Variants in LRRTM4 observed in about 807,000 individuals in gnomAD.
LRRTM4 encodes the protein leucine-rich repeat transmembrane neuronal protein 4.
Under a neutral mutation model 47.6 loss-of-function variants are expected in LRRTM4, and 25 were observed. The observed-to-expected ratio is 0.53, with a 90% CI of 0.38 to 0.73. The LOEUF (loss-of-function observed/expected upper bound fraction) is 0.73, where lower values mean the gene tolerates loss of function less well. Ranked by LOEUF, LRRTM4 falls within the 30% of genes least tolerant of loss-of-function variation. LRRTM4 has a pLI of 0.00. For synonymous variants in LRRTM4, 311 were observed against 269.5 expected (o/e 1.15, Z -1.51); for missense variants, 638 against 713.4 (o/e 0.89, Z 1.20).
intron 3 of LRRTM4, among the ~76,000 whole-genome samples, chr2:77,247,040 T>G (rs558519168): frequency 3.5e-4 from 53 of 152,198 alleles, no homozygotes; most frequent in African/African-American, 1.3e-3. Flanking sequence ...AAATCACATT[T>G]TCACCTCTGT....
chr2:77,081,309 G>C (rs1028228106), intron 3 of LRRTM4, among the ~76,000 whole-genome samples: 4 of 148,418 alleles, frequency 2.7e-5, no homozygotes, highest in Non-Finnish European at 6.0e-5. Context: ...TGTTGGAAAA[G>C]AGCAAAATGT....
At chr2:77,289,979 G>A (rs978134409) in intron 3 of LRRTM4, among the ~76,000 whole-genome samples, 1 of 151,754 alleles carries the variant, frequency 6.6e-6, no homozygotes, top group Non-Finnish European at 1.5e-5. Flanking sequence ...TGTAGTAGTA[G>A]GAAGGATATT....
At chr2:77,279,041 A>G (rs1252096148) in intron 3 of LRRTM4, among the ~76,000 whole-genome samples, 1 of 152,038 alleles carries the variant, frequency 6.6e-6, no homozygotes, top group Non-Finnish European at 1.5e-5. Flanking sequence ...GCTAGCTACA[A>G]GGGCCAAAGT....
At chr2:77,359,298 C>A (rs1325617151) in intron 3 of LRRTM4, among the ~76,000 whole-genome samples, 5 of 151,988 alleles carry the variant, frequency 3.3e-5, no homozygotes, top group Admixed American at 2.6e-4. Context: ...TCCCCCCAAC[C>A]CAAACTAATT....
At chr2:77,329,477 G>A (rs1296205370) in intron 3 of LRRTM4, among the ~76,000 whole-genome samples, 3 of 152,172 alleles carry the variant, frequency 2.0e-5, no homozygotes, top group African/African-American at 7.2e-5. Context: ...TAGAAGGGAT[G>A]ACTGTCAATT....
At chr2:76,929,618 A>G (rs1674700931) in intron 3 of LRRTM4, among the ~76,000 whole-genome samples, 1 of 152,148 alleles carries the variant, frequency 6.6e-6, no homozygotes, top group Non-Finnish European at 1.5e-5. Flanking sequence ...AAAAAGTGAG[A>G]GAGTAGACAT....
At chr2:77,281,131 A>T (rs2104099806) in intron 3 of LRRTM4, among the ~76,000 whole-genome samples, 1 of 152,058 alleles carries the variant, frequency 6.6e-6, no homozygotes, top group South Asian at 2.1e-4. Flanking sequence ...TTCATCTGAA[A>T]TCAATGTCAA....
intron 3 of LRRTM4, among the ~76,000 whole-genome samples, chr2:77,137,338 C>G (rs1270813820): frequency 2.0e-5 from 3 of 151,770 alleles, no homozygotes; most frequent in Non-Finnish European, 2.9e-5. Context: ...TTAAAGAAAA[C>G]AATTTTCAAC....
At chr2:77,489,740 G>A (rs1678064178) in intron 3 of LRRTM4, among the ~76,000 whole-genome samples, 1 of 152,140 alleles carries the variant, frequency 6.6e-6, no homozygotes, top group Non-Finnish European at 1.5e-5. Context: ...CCTAATATTA[G>A]AGAACCATGC....
intron 3 of LRRTM4, among the ~76,000 whole-genome samples, chr2:77,237,634 T>A (rs1036267586): frequency 2.6e-5 from 4 of 151,736 alleles, no homozygotes; most frequent in Non-Finnish European, 5.9e-5. Context: ...CACCCACATA[T>A]AGGTTCATCT....
chr2:77,029,111 G>A (rs548745330), intron 3 of LRRTM4, among the ~76,000 whole-genome samples: 178 of 148,144 alleles, frequency 1.2e-3, no homozygotes, highest in African/African-American at 4.1e-3. Flanking sequence ...GCAATAAAAT[G>A]AGTCACCTTT....
At chr2:77,498,974 C>T (rs142464720) in intron 3 of LRRTM4, among the ~76,000 whole-genome samples, 2,475 of 151,944 alleles carry the variant, frequency 0.016, 71 homozygotes, top group African/African-American at 0.056. Flanking sequence ...CTACATATGA[C>T]ATCCAACTCC....
In LRRTM4 at chr2:77,518,792, G is replaced by A. The variant is rs375977931; in HGVS notation, c.1077C>T (p.Ile359=). 5 of 1,612,508 alleles carry A rather than the reference G, an allele frequency of 3.1e-6. No individual in the cohort carries two copies. Among genetic ancestry groups the A allele is most frequent in the East Asian group, 4.5e-5 (2 of 44,774 alleles). Residue 359 remains isoleucine (I), a synonymous_variant, in exon 3 of 4, where the codon ATC becomes ATT. Transcript: ENST00000409884. The part of the protein sequence containing the change: ...KVSDAVETYN[I]CSEVQVVNTE... Reference sequence around the variant, plus strand: ...TGTTGACCACCTGGACTTCAGAACAGATATTATATGTTTCCACTGCATCAC... The same window carrying A: ...TGTTGACCACCTGGACTTCAGAACAAATATTATATGTTTCCACTGCATCAC...
chr2:76,923,252 C>T (rs916653419), intron 3 of LRRTM4, among the ~76,000 whole-genome samples: 1 of 151,938 alleles, frequency 6.6e-6, no homozygotes, highest in African/African-American at 2.4e-5. Flanking sequence ...AAACGTTTGT[C>T]TAAAGTTCAT....
intron 3 of LRRTM4, among the ~76,000 whole-genome samples, chr2:77,043,121 CT>C (rs1679092876): frequency 6.6e-6 from 1 of 151,752 alleles, no homozygotes; most frequent in South Asian, 2.1e-4. Flanking sequence ...CTGATTTTCT[CT>C]TTCTTTCCTG....
intron 3 of LRRTM4, among the ~76,000 whole-genome samples, chr2:76,847,842 T>G (rs1205345624): frequency 6.6e-6 from 1 of 152,144 alleles, no homozygotes; most frequent in African/African-American, 2.4e-5. Context: ...TTAAATTAAT[T>G]TACATAAGAA....
At chr2:77,101,458 A>G (rs1488555807) in intron 3 of LRRTM4, among the ~76,000 whole-genome samples, 1 of 152,132 alleles carries the variant, frequency 6.6e-6, no homozygotes, top group African/African-American at 2.4e-5. Context: ...TTAGGAGTAA[A>G]GTTTTTAGAT....
At chr2:77,326,032 C>T (rs1354465726) in intron 3 of LRRTM4, among the ~76,000 whole-genome samples, 1 of 152,180 alleles carries the variant, frequency 6.6e-6, no homozygotes, top group Non-Finnish European at 1.5e-5. Flanking sequence ...GAGCAGGTCA[C>T]AGGATCCTCA....
At position 77,516,833 on chromosome 2, in the gene LRRTM4, G is replaced by A. The variant is rs533815897; in HGVS notation, c.1551+1485C>T. The A allele has an allele frequency of 1.5e-5, 15 of 984,384 alleles. No individual in the cohort carries two copies. The South Asian group carries it at 6.6e-4, about 43-fold the overall frequency. The allele number at this position is 984,384 out of a possible 1,614,324, so 61.0% of individuals were successfully genotyped here. A position where few individuals can be genotyped will look rare whatever the true frequency, so the allele number is the denominator to read the frequency against. On this transcript the variant is annotated intron_variant, in intron 3 of 3. Coordinates refer to ENST00000409884, the MANE Select transcript of LRRTM4 (RefSeq NM_001134745.3). Reference sequence around the variant, plus strand: ...CAATAGTCCAAATTGTACTGAGTTAGAGATTATTTCAAATTCAGTGCTTTG... The same window carrying A: ...CAATAGTCCAAATTGTACTGAGTTAAAGATTATTTCAAATTCAGTGCTTTG...
Sources: gnomAD v4.1 joint callset for allele counts (sites outside exome capture counted in the v4.1 genomes callset) on GRCh38, gnomAD v4.1.1 for gene constraint, MANE v1.5 for transcripts, NCBI Gene and HGNC (gene_info 2026-07-23, HGNC 2026-07-21) for gene names.